TEAD4: variants seen among roughly 807,000 people sequenced by gnomAD.
TEAD4 encodes transcriptional enhancer factor TEF-3.
A neutral mutation model predicts 52.4 loss-of-function variants in TEAD4; 36 were observed. The observed-to-expected ratio is 0.69, with a 90% CI of 0.53 to 0.91. The LOEUF is 0.91. TEAD4 is among the 40% of genes least tolerant of loss of function. TEAD4 has a pLI of 0.00. For missense variants in TEAD4, 508 were observed against 583.9 expected (o/e 0.87, Z 1.34); for synonymous variants, 220 against 231.0 (o/e 0.95, Z 0.43).
intron 2 of TEAD4, among the ~76,000 whole-genome samples, chr12:2,967,211 T>C (rs2098221161): frequency 1.3e-5 from 1 of 75,352 alleles, no homozygotes; most frequent in Non-Finnish European, 5.4e-5. Context: ...TACATAATAC[T>C]ATAATTCGGG....
At chr12:3,010,191 G>A (rs916034461) in intron 3 of TEAD4, among the ~76,000 whole-genome samples, 8 of 152,240 alleles carry the variant, frequency 5.3e-5, no homozygotes, top group Non-Finnish European at 8.8e-5. Flanking sequence ...CTCTGAACAC[G>A]TCCCTGTCCG....
At chr12:3,002,633 G>A (rs896568424) in intron 3 of TEAD4, among the ~76,000 whole-genome samples, 3 of 152,192 alleles carry the variant, frequency 2.0e-5, no homozygotes, top group Non-Finnish European at 4.4e-5. Flanking sequence ...GAGGTTATTG[G>A]AATAAGACAT....
At chr12:3,037,415 G>A (rs1347435470) in intron 10 of TEAD4, among the ~76,000 whole-genome samples, 2 of 152,322 alleles carry the variant, frequency 1.3e-5, no homozygotes, top group Non-Finnish European at 2.9e-5. Flanking sequence ...CAGCCCCAGA[G>A]CCGTTTCTGA....
intron 5 of TEAD4, among the ~76,000 whole-genome samples, chr12:3,016,161 T>A (rs2098264318): frequency 6.6e-6 from 1 of 152,064 alleles, no homozygotes; most frequent in Non-Finnish European, 1.5e-5. Flanking sequence ...TTGAGTAGCT[T>A]GGCCTGCAGG....
intron 10 of TEAD4, among the ~76,000 whole-genome samples, chr12:3,025,646 C>CA (rs1370907800): frequency 6.6e-6 from 1 of 152,050 alleles, no homozygotes; most frequent in East Asian, 1.9e-4. Flanking sequence ...AAGCAATTCT[C>CA]ATGCCTCACC....
chr12:3,007,355 C>T (rs1162130834), intron 3 of TEAD4, among the ~76,000 whole-genome samples: 3 of 152,210 alleles, frequency 2.0e-5, no homozygotes, highest in African/African-American at 4.8e-5. Context: ...TAAGCATCCT[C>T]GCTTGGCCAG....
intron 3 of TEAD4, among the ~76,000 whole-genome samples, chr12:2,997,813 G>GA (rs375211465): frequency 6.6e-6 from 1 of 150,916 alleles, no homozygotes; most frequent in Non-Finnish European, 1.5e-5. Flanking sequence ...TTCGGGGGGG[G>GA]GGTGTGTGTG....
At chr12:3,025,117 G>C (rs1301487762) in intron 10 of TEAD4, among the ~76,000 whole-genome samples, 1 of 152,018 alleles carries the variant, frequency 6.6e-6, no homozygotes, top group Non-Finnish European at 1.5e-5. Flanking sequence ...GCTAATTTTT[G>C]TCTTTTTGTA....
At chr12:3,021,774 G>T (rs937756636) in intron 9 of TEAD4, 70 bp from the exon 10 acceptor site, 2 of 1,544,284 alleles carry the variant, frequency 1.3e-6, no homozygotes, top group African/African-American at 1.4e-5. Context: ...TGGTGGGCAC[G>T]CAGAGCCAGG....
intron 2 of TEAD4, among the ~76,000 whole-genome samples, chr12:2,984,415 C>T (rs1169367065): frequency 6.6e-6 from 1 of 152,092 alleles, no homozygotes; most frequent in Non-Finnish European, 1.5e-5. Context: ...TGGATTAGGG[C>T]TGTGAGATAG....
intron 2 of TEAD4, among the ~76,000 whole-genome samples, chr12:2,971,304 G>C (rs184237567): frequency 9.2e-5 from 14 of 152,190 alleles, no homozygotes; most frequent in Non-Finnish European, 1.6e-4. Context: ...TCTGACAAGC[G>C]TGTATATGTG....
At chr12:3,029,474 G>A (rs1294064142) in intron 10 of TEAD4, among the ~76,000 whole-genome samples, 3 of 152,164 alleles carry the variant, frequency 2.0e-5, no homozygotes, top group South Asian at 4.2e-4. Context: ...TCCTGACCTC[G>A]TGATCCACCA....
At chr12:2,968,980 A>C (rs1419663580) in intron 2 of TEAD4, among the ~76,000 whole-genome samples, 1 of 121,640 alleles carries the variant, frequency 8.2e-6, no homozygotes, top group African/African-American at 2.5e-5. Context: ...CAGAGGCTGG[A>C]TGAGGACTTA....
At chr12:2,975,317 T>G (rs1479090090) in intron 2 of TEAD4, among the ~76,000 whole-genome samples, 1 of 151,884 alleles carries the variant, frequency 6.6e-6, no homozygotes, top group Non-Finnish European at 1.5e-5. Flanking sequence ...TTGTTGCAAT[T>G]GATGTACATT....
At chr12:2,985,142 T>C (rs987194026) in intron 2 of TEAD4, among the ~76,000 whole-genome samples, 2 of 152,142 alleles carry the variant, frequency 1.3e-5, no homozygotes, top group African/African-American at 4.8e-5. Context: ...CCCAGCACTT[T>C]GGGAGGCCGA....
At chr12:3,030,347 T>C (rs961615423) in intron 10 of TEAD4, among the ~76,000 whole-genome samples, 2 of 152,136 alleles carry the variant, frequency 1.3e-5, no homozygotes, top group African/African-American at 2.4e-5. Context: ...GACCCTTTGA[T>C]CTTCTACCGA....
chr12:2,995,146 T>G (rs2098246107), intron 3 of TEAD4, among the ~76,000 whole-genome samples, 154 bp downstream of exon 3: 1 of 149,390 alleles, frequency 6.7e-6, no homozygotes, highest in African/African-American at 2.5e-5. Flanking sequence ...TCCCAAGGGA[T>G]GGGGGCATCT....
At chr12:2,984,997 T>C (rs1339552319) in intron 2 of TEAD4, among the ~76,000 whole-genome samples, 1 of 152,224 alleles carries the variant, frequency 6.6e-6, no homozygotes, top group Non-Finnish European at 1.5e-5. Context: ...TAGGCTACGC[T>C]AAATGTATTT....
intron 10 of TEAD4, among the ~76,000 whole-genome samples, chr12:3,032,628 G>A (rs1319354854): frequency 2.0e-5 from 3 of 152,304 alleles, no homozygotes; most frequent in South Asian, 2.1e-4. Flanking sequence ...GGGCTGTGTC[G>A]CTGAAGACCC....
Sources: gnomAD v4.1 joint callset for allele counts (sites outside exome capture counted in the v4.1 genomes callset) on GRCh38, gnomAD v4.1.1 for gene constraint, MANE v1.5 for transcripts, NCBI Gene and HGNC (gene_info 2026-07-23, HGNC 2026-07-21) for gene names.